Variants in SRC observed in about 807,000 individuals in gnomAD.
SRC encodes the protein proto-oncogene tyrosine-protein kinase Src.
Under a neutral mutation model 62.9 loss-of-function variants are expected in SRC, and 13 were observed. The observed-to-expected ratio is 0.21, with a 90% CI of 0.13 to 0.33. SRC has a LOEUF of 0.33. SRC is among the 10% of genes least tolerant of loss of function. The pLI is 1.00. For missense variants in SRC, 457 were observed against 737.3 expected, an observed-to-expected ratio of 0.62 and a Z score of 4.40; for synonymous variants, 302 against 317.5, an observed-to-expected ratio of 0.95 and a Z score of 0.52.
intron 2 of SRC, among the ~76,000 whole-genome samples, chr20:37,371,074 C>T (rs545723727): frequency 2.6e-4 from 39 of 151,876 alleles, no homozygotes; most frequent in Middle Eastern, 3.4e-3. Flanking sequence ...CCTCAACCTC[C>T]GCCTCTTGGG....
chr20:37,394,912 G>A (rs921016546), intron 7 of SRC, among the ~76,000 whole-genome samples: 3 of 152,256 alleles, frequency 2.0e-5, no homozygotes, highest in East Asian at 3.9e-4. Context: ...GTGTACATCT[G>A]GGCGTGTGTG....
chr20:37,380,836 A>G (rs545384920), intron 2 of SRC, among the ~76,000 whole-genome samples: 2 of 151,944 alleles, frequency 1.3e-5, no homozygotes, highest in Non-Finnish European at 2.9e-5. Flanking sequence ...GGGCAGAATT[A>G]TGGGGCATTT....
At chr20:37,368,525 T>A (rs868110606) in intron 2 of SRC, among the ~76,000 whole-genome samples, 16 of 119,070 alleles carry the variant, frequency 1.3e-4, no homozygotes, top group African/African-American at 6.7e-4. Flanking sequence ...TTTCTTTTTT[T>A]TTTTTTTTTT....
intron 2 of SRC, among the ~76,000 whole-genome samples, chr20:37,371,789 C>T (rs2070168911): frequency 6.6e-6 from 1 of 152,106 alleles, no homozygotes; most frequent in South Asian, 2.1e-4. Context: ...GCAACCTCCA[C>T]CTCCCAGGTT....
At chr20:37,365,650 A>G (rs987963979) in intron 2 of SRC, among the ~76,000 whole-genome samples, 2 of 151,978 alleles carry the variant, frequency 1.3e-5, no homozygotes, top group Non-Finnish European at 2.9e-5. Flanking sequence ...CAGTGTCACA[A>G]TCATGCTCAC....
rs2070819334 is a variant in SRC, at chr20:37,405,775, A to G, written c.*2396A>G. Reference sequence around the variant, plus strand: ...GAGATCACAAATACACGACGAGAATACCGTTGTGTGTGCTCTTCGTGTGTT... The same window carrying G: ...GAGATCACAAATACACGACGAGAATGCCGTTGTGTGTGCTCTTCGTGTGTT... On this transcript the variant is annotated 3_prime_UTR_variant, in exon 14 of 14. Transcript: ENST00000373578. 1 of 152,222 alleles carries G rather than the reference A, an allele frequency of 6.6e-6. No homozygotes were observed. Among genetic ancestry groups the G allele is most frequent in the African/African-American group, 2.4e-5 (1 of 41,392 alleles). 9.4% of individuals were successfully genotyped at this position (152,222 alleles called of 1,614,324 possible).
intron 6 of SRC, 34 bp from the exon 7 acceptor site, chr20:37,394,140 C>G (rs1247430732): frequency 6.3e-7 from 1 of 1,594,214 alleles, no homozygotes; most frequent in African/African-American, 1.3e-5. Flanking sequence ...GAAGCCTGGA[C>G]AGTCAGCACC....
intron 2 of SRC, among the ~76,000 whole-genome samples, chr20:37,373,227 C>CATGT (rs2070207667): frequency 6.8e-6 from 1 of 146,600 alleles, no homozygotes. Flanking sequence ...TACATACGTA[C>CATGT]ACACATGCAC....
chr20:37,389,436 G>A (rs2070510142), intron 5 of SRC, among the ~76,000 whole-genome samples: 2 of 152,168 alleles, frequency 1.3e-5, no homozygotes, highest in African/African-American at 4.8e-5. Flanking sequence ...TAGAGCCTCG[G>A]GGTCCTGCCT....
At chr20:37,387,420 C>T (rs1259505383) in intron 5 of SRC, among the ~76,000 whole-genome samples, 1 of 152,206 alleles carries the variant, frequency 6.6e-6, no homozygotes, top group African/African-American at 2.4e-5. Flanking sequence ...GGGGCTGTCT[C>T]CATTTTGCAG....
chr20:37,393,780 C>A, intron 5 of SRC, 115 bp from the exon 6 acceptor site: 1 of 746,720 alleles, frequency 1.3e-6, no homozygotes, highest in South Asian at 1.7e-5. Context: ...CACCACCTCC[C>A]TGGGCCTCCC....
At chr20:37,376,454 T>C (rs1161824145) in intron 2 of SRC, among the ~76,000 whole-genome samples, 4 of 152,222 alleles carry the variant, frequency 2.6e-5, no homozygotes. Context: ...GGTTAGGAAG[T>C]TGCAAGCTGG....
At chr20:37,394,617 A>G (rs1336622863) in intron 7 of SRC, among the ~76,000 whole-genome samples, 1 of 152,030 alleles carries the variant, frequency 6.6e-6, no homozygotes, top group African/African-American at 2.4e-5. Context: ...CCTCTTCCCC[A>G]GGGGTCCCTG....
At position 37,368,538 on chromosome 20, in the gene SRC, T is replaced by G. The variant is rs1600973242; in HGVS notation, c.-173+3261T>G. On this transcript the variant is annotated intron_variant, in intron 2 of 13. Transcript: ENST00000373578. Reference sequence around the variant, plus strand: ...ATTTTCTTTTTTTTTTTTTTTTTTTTTTTTTGTTTTTTTTTTTTTTGTTTT... The same window carrying G: ...ATTTTCTTTTTTTTTTTTTTTTTTTGTTTTTGTTTTTTTTTTTTTTGTTTT... Among the ~76,000 whole-genome samples, 564 of 124,992 alleles carry G rather than the reference T, an allele frequency of 4.5e-3. 1 individual carries two copies. Among genetic ancestry groups the G allele is most frequent in the Admixed American group, 7.0e-3 (89 of 12,798 alleles). The allele number at this position is 124,992 out of a possible 152,430, so 82.0% of individuals were successfully genotyped here.
In SRC at chr20:37,390,883, G is replaced by T. The variant is rs145158181; in HGVS notation, c.351-3012G>T. Among the ~76,000 whole-genome samples the T allele has an allele frequency of 8.5e-5, 13 of 152,272 alleles. No individual in the cohort carries two copies. In the East Asian group the frequency reaches 2.3e-3, roughly 27 times the overall value. On this transcript the variant is annotated intron_variant, in intron 5 of 13. Coordinates refer to ENST00000373578, the MANE Select transcript of SRC (RefSeq NM_198291.3). Reference sequence around the variant, plus strand: ...TCCCTCAGACCCCTCTAAATCAGGGGCCAGGCTGAGACTGGATCTTGGGTC... The same window carrying T: ...TCCCTCAGACCCCTCTAAATCAGGGTCCAGGCTGAGACTGGATCTTGGGTC...
Position 37,403,566 on chromosome 20 carries a change from G to A in SRC, c.*187G>A, listed in dbSNP as rs185852005. On this transcript the variant is annotated 3_prime_UTR_variant, in exon 14 of 14. Transcript: ENST00000373578. This position sits in a 1 kb window ranked among gnomAD's most constrained non-coding sequence, Gnocchi z 7.1. ...TGGACCTAGGGTGGCCTGAGAGGGC[G>A]GTGGGTATGCGAGACCAGCACGGTG... The A allele has an allele frequency of 6.0e-5, 40 of 663,336 alleles. No individual in the cohort carries two copies. The highest frequency in any genetic ancestry group is 9.6e-5 in the Non-Finnish European group (38 of 395,028). 41.1% of individuals were successfully genotyped at this position (663,336 alleles called of 1,614,324 possible).
At chr20:37,359,749 G>C (rs574528756) in intron 1 of SRC, among the ~76,000 whole-genome samples, 1 of 152,154 alleles carries the variant, frequency 6.6e-6, no homozygotes, top group Admixed American at 6.5e-5. Flanking sequence ...GGGGTCACAC[G>C]AGGGTCCTGG....
intron 2 of SRC, among the ~76,000 whole-genome samples, chr20:37,368,537 T>TG: frequency 2.4e-5 from 3 of 125,256 alleles, no homozygotes; most frequent in Admixed American, 7.8e-5. Flanking sequence ...TTTTTTTTTT[T>TG]TTTTTTGTTT....
chr20:37,393,127 A>G (rs1334314380), intron 5 of SRC, among the ~76,000 whole-genome samples: 1 of 151,972 alleles, frequency 6.6e-6, no homozygotes, highest in East Asian at 1.9e-4. Flanking sequence ...ACTTTCGCAT[A>G]GAAGTGCCCT....
Sources: allele counts gnomAD v4.1 joint callset (sites outside exome capture counted in the v4.1 genomes callset), GRCh38; gene constraint gnomAD v4.1.1; non-coding constraint Gnocchi (gnomAD v3.1); transcripts MANE v1.5; gene names NCBI Gene and HGNC (gene_info 2026-07-23, HGNC 2026-07-21).